The following PARD3B variants were observed in gnomAD, a reference collection of about 807,000 sequenced individuals.
PARD3B encodes the protein par-3 family cell polarity regulator beta, also known as partitioning defective 3 homolog B.
A neutral mutation model predicts 130.2 loss-of-function variants in PARD3B; 103 were observed. That is an observed-to-expected ratio of 0.79 (90% CI 0.67 to 0.93). The LOEUF (loss-of-function observed/expected upper bound fraction) is 0.93, where lower values mean the gene tolerates loss of function less well. Among genes scored for constraint, PARD3B ranks in the 40% least tolerant of loss-of-function variants. The pLI is 0.00. For missense variants in PARD3B, 1,609 were observed against 1,499.2 expected (o/e 1.07, Z -1.21); for synonymous variants, 583 against 553.2 (o/e 1.05, Z -0.76).
Position 204,890,951 on chromosome 2 carries a change from T to C in PARD3B, c.223-74201T>C, listed in dbSNP as rs10932089. On this transcript the variant is annotated intron_variant, in intron 2 of 22. Coordinates refer to ENST00000406610, the MANE Select transcript of PARD3B (RefSeq NM_001302769.2). This position sits in a 1 kb window ranked among gnomAD's most constrained non-coding sequence, Gnocchi z 4.9. The stretch of plus-strand genomic sequence containing the variant: ...CTCTTGCCATCATCCACTGCCTCCA[T>C]GAGGATATTCTAGGAATCTGTATCT... Among the ~76,000 whole-genome samples the C allele has an allele frequency of 1, 152,203 of 152,286 alleles. 76,061 individuals are homozygous for C. The highest frequency in any genetic ancestry group is 1 in the Middle Eastern group (294 of 294).
In PARD3B at chr2:205,081,668, TGTG is replaced by T. The variant is rs1701414728; in HGVS notation, c.505-22755_505-22753del. Among the ~76,000 whole-genome samples the T allele has an allele frequency of 2.0e-5, 3 of 152,146 alleles. No homozygotes were observed. In the South Asian group the frequency reaches 6.2e-4, roughly 31 times the overall value. On this transcript the variant is annotated intron_variant, in intron 4 of 22. Transcript: ENST00000406610. ...TACATCTGTTTCTTTTGTCTGATAA[TGTG>T]GTAAACTACATTAGTGAATTTTTGA... is the stretch of plus-strand genomic sequence containing the variant.
At chr2:205,503,776 T>C (rs952819313) in intron 21 of PARD3B, among the ~76,000 whole-genome samples, 2 of 152,118 alleles carry the variant, frequency 1.3e-5, no homozygotes, top group East Asian at 3.8e-4. Context: ...GTATGGCCAT[T>C]TTCACGATAT....
At chr2:205,373,710 C>T (rs2044914424) in intron 18 of PARD3B, among the ~76,000 whole-genome samples, 1 of 152,118 alleles carries the variant, frequency 6.6e-6, no homozygotes, top group South Asian at 2.1e-4. Context: ...AATATCTAGT[C>T]CTTAAATACG....
intron 2 of PARD3B, among the ~76,000 whole-genome samples, chr2:204,928,887 T>C (rs1575332422): frequency 6.6e-6 from 1 of 152,128 alleles, no homozygotes; most frequent in East Asian, 1.9e-4. Context: ...GTGAGGGTCA[T>C]GCTAGCCTTC....
At chr2:204,763,884 TATAGA>T (rs1399325130) in intron 2 of PARD3B, among the ~76,000 whole-genome samples, 4 of 152,246 alleles carry the variant, frequency 2.6e-5, no homozygotes, top group East Asian at 1.9e-4. Flanking sequence ...CTTCCATGCT[TATAGA>T]ATAGAGTGAA....
chr2:204,657,105 T>C (rs1240462500), intron 1 of PARD3B, among the ~76,000 whole-genome samples: 1 of 152,186 alleles, frequency 6.6e-6, no homozygotes, highest in Non-Finnish European at 1.5e-5. Context: ...ATGCACAGAT[T>C]CCATCCCACT....
intron 19 of PARD3B, among the ~76,000 whole-genome samples, chr2:205,412,196 G>A (rs1306448642): frequency 1.3e-5 from 2 of 152,002 alleles, no homozygotes; most frequent in East Asian, 3.9e-4. Context: ...TCAGATTGCT[G>A]TCCCAAGGAA....
rs147135250 is a variant in PARD3B, at chr2:205,113,678, A to G, written c.680+101A>G. On this transcript the variant is annotated intron_variant, in intron 6 of 22. Transcript: ENST00000406610. ...CACAAGGAGATTAAATGTGAATTCT[A>G]TTATTCAAATGGATACCTCAAGACA... 317 of 813,950 alleles carry G rather than the reference A, an allele frequency of 3.9e-4. 2 individuals are homozygous for G. In the African/African-American group the frequency reaches 4.5e-3, roughly 12 times the overall value. The allele number at this position is 813,950 out of a possible 1,614,324, so 50.4% of individuals were successfully genotyped here.
chr2:205,133,339 T>C (rs960241148), intron 10 of PARD3B, among the ~76,000 whole-genome samples: 1 of 152,202 alleles, frequency 6.6e-6, no homozygotes, highest in Non-Finnish European at 1.5e-5. Flanking sequence ...AATAATTTGT[T>C]AGAACAATGG....
At chr2:204,752,120 TATC>T (rs2040487522) in intron 2 of PARD3B, among the ~76,000 whole-genome samples, 1 of 152,234 alleles carries the variant, frequency 6.6e-6, no homozygotes, top group African/African-American at 2.4e-5. Context: ...TACTTCCTTA[TATC>T]ATCCTAAAAC....
At chr2:205,481,237 G>A (rs1575126626) in intron 20 of PARD3B, among the ~76,000 whole-genome samples, 2 of 152,270 alleles carry the variant, frequency 1.3e-5, no homozygotes, top group East Asian at 3.9e-4. Context: ...AGGCAGTGTG[G>A]TCAAAGGCAT....
At chr2:204,896,425 T>C (rs1431795565) in intron 2 of PARD3B, among the ~76,000 whole-genome samples, 2 of 152,204 alleles carry the variant, frequency 1.3e-5, no homozygotes, top group East Asian at 3.9e-4. Context: ...TGGGCTTGAC[T>C]GGCTGAGCTA....
Position 205,463,721 on chromosome 2 carries a change from C to G in PARD3B, c.3044+23049C>G, listed in dbSNP as rs529413418. On this transcript the variant is annotated intron_variant, in intron 20 of 22. Coordinates refer to ENST00000406610, the MANE Select transcript of PARD3B (RefSeq NM_001302769.2). This position sits in a 1 kb window ranked among gnomAD's most constrained non-coding sequence, Gnocchi z 4.8. The stretch of plus-strand genomic sequence containing the variant: ...AAAAATTATGTTTATAGGCCAGTCA[C>G]TTGCACGCTGAGACTGAAATCCTGA... Among the ~76,000 whole-genome samples, 1 of 152,188 alleles carries G rather than the reference C, an allele frequency of 6.6e-6. No individual in the cohort carries two copies. Among genetic ancestry groups the G allele is most frequent in the Admixed American group, 6.5e-5 (1 of 15,272 alleles).
In PARD3B at chr2:205,575,032, A is replaced by G. The variant is rs1445213785; in HGVS notation, c.3260+21629A>G. On this transcript the variant is annotated intron_variant, in intron 22 of 22. Transcript: ENST00000406610. The surrounding 1 kb of genome is among the most constrained non-coding windows in gnomAD (Gnocchi z 4.6). ...GATGAGGAGAGAAAGCCATTGCTCT[A>G]GCAAAGCAAGGCATGATCCACATCA... Among the ~76,000 whole-genome samples, 6 of 151,622 alleles carry G rather than the reference A, an allele frequency of 4.0e-5. No individual in the cohort carries two copies. Among genetic ancestry groups the G allele is most frequent in the Non-Finnish European group, 7.4e-5 (5 of 67,942 alleles).
In PARD3B at chr2:205,537,620, C is replaced by T. The variant is rs556704578; in HGVS notation, c.3181-15704C>T. Among the ~76,000 whole-genome samples, 10 of 152,192 alleles carry T rather than the reference C, an allele frequency of 6.6e-5. No individual in the cohort carries two copies. In the South Asian group the frequency reaches 1.2e-3, roughly 19 times the overall value. On this transcript the variant is annotated intron_variant, in intron 21 of 22. Coordinates refer to ENST00000406610, the MANE Select transcript of PARD3B (RefSeq NM_001302769.2). ...CATTTAGGAAAACCCATCAATGGACCGATAGCAAAATGGCTGAGGTCAGTA... is the reference window on the plus strand; with the variant it reads ...CATTTAGGAAAACCCATCAATGGACTGATAGCAAAATGGCTGAGGTCAGTA...
intron 16 of PARD3B, among the ~76,000 whole-genome samples, chr2:205,246,196 T>C (rs2039563534): frequency 6.6e-6 from 1 of 151,398 alleles, no homozygotes; most frequent in East Asian, 1.9e-4. Flanking sequence ...ATAAGAAAGA[T>C]ACGATCATTT....
At chr2:205,213,454 T>C (rs2125853912) in intron 15 of PARD3B, among the ~76,000 whole-genome samples, 1 of 152,268 alleles carries the variant, frequency 6.6e-6, no homozygotes. Context: ...AGGTGCCCAC[T>C]AAATCCAAGA....
intron 20 of PARD3B, among the ~76,000 whole-genome samples, chr2:205,459,192 T>C (rs909978340): frequency 1.3e-5 from 2 of 152,174 alleles, no homozygotes; most frequent in African/African-American, 2.4e-5. Flanking sequence ...CCACAGAATA[T>C]TGGGCTCAGT....
At position 205,001,459 on chromosome 2, in the gene PARD3B, A is replaced by G. The variant is rs568795154; in HGVS notation, c.394+36136A>G. Among the ~76,000 whole-genome samples the G allele has an allele frequency of 4.5e-4, 69 of 152,328 alleles. 1 individual carries two copies. In the South Asian group the frequency reaches 0.012, roughly 27 times the overall value. On this transcript the variant is annotated intron_variant, in intron 3 of 22. Transcript: ENST00000406610. The stretch of plus-strand genomic sequence containing the variant: ...ACAACAGCATTTATTTCCTTTTCAT[A>G]CAGAGCCCTTACATATCCTGATGGC...
Sources: gnomAD v4.1 joint callset for allele counts (sites outside exome capture counted in the v4.1 genomes callset) on GRCh38, gnomAD v4.1.1 for gene constraint, Gnocchi (gnomAD v3.1) non-coding constraint, MANE v1.5 for transcripts, NCBI Gene and HGNC (gene_info 2026-07-23, HGNC 2026-07-21) for gene names.